CECR2: variants seen among roughly 807,000 people sequenced by gnomAD.
CECR2 encodes CECR2 histone acetyl-lysine reader.
In CECR2, 30 loss-of-function variants were observed where a neutral mutation model predicts 154.5. The observed-to-expected ratio is 0.19, with a 90% CI of 0.15 to 0.26. CECR2 has a LOEUF of 0.26. Ranked by LOEUF, CECR2 falls within the 10% of genes least tolerant of loss-of-function variation. CECR2 has a pLI of 1.00. For missense variants in CECR2, 1,743 were observed against 1,829.3 expected (o/e 0.95, Z 0.86); for synonymous variants, 725 against 683.7 (o/e 1.06, Z -0.94).
At chr22:17,391,200 T>G (rs1247652656) in intron 1 of CECR2, among the ~76,000 whole-genome samples, 1 of 152,206 alleles carries the variant, frequency 6.6e-6, no homozygotes, top group Non-Finnish European at 1.5e-5. Flanking sequence ...TAACATCCAG[T>G]AAACAGTTCA....
chr22:17,375,135 T>A (rs1467087475), intron 1 of CECR2, among the ~76,000 whole-genome samples: 5 of 152,136 alleles, frequency 3.3e-5, no homozygotes, highest in African/African-American at 1.2e-4. Flanking sequence ...TATTTTTGAG[T>A]CAGAGTCTCA....
chr22:17,553,024 G>T lies in CECR2; in HGVS notation c.*184G>T. The T allele has an allele frequency of 2.2e-6, 3 of 1,351,536 alleles. No homozygotes were observed. The highest frequency in any genetic ancestry group is 1.9e-6 in the Non-Finnish European group (2 of 1,045,292). The allele number at this position is 1,351,536 out of a possible 1,614,324, so 83.7% of individuals were successfully genotyped here. On this transcript the variant is annotated 3_prime_UTR_variant, in exon 19 of 19. Transcript: ENST00000262608. ...CTAAAAGGACACTCCTTAGATGACTGACACACAGATTGCAAAGGTCCTCGG... is the reference window on the plus strand; with the variant it reads ...CTAAAAGGACACTCCTTAGATGACTTACACACAGATTGCAAAGGTCCTCGG...
In CECR2 at chr22:17,542,530, C is replaced by T. The variant is rs552193684; in HGVS notation, c.2387C>T (p.Pro796Leu). ...CCAGATGAGAAGCCCCACCTGGGGCCAGGACCCTCTCACCAGCCTCGCACT... is the reference window on the plus strand; with the variant it reads ...CCAGATGAGAAGCCCCACCTGGGGCTAGGACCCTCTCACCAGCCTCGCACT... ...LGPDEKPHLG[P>L]GPSHQPRTLG... Residue 796 changes from proline (P) to leucine (L), a missense_variant, in exon 16 of 19, where the codon CCA (proline) becomes CTA (leucine). Around this residue, in one of 4 missense-constraint regions of CECR2, gnomAD observed 1,250 missense variants for 1,192.1 expected, o/e 1.05. Coordinates refer to ENST00000262608, the MANE Select transcript of CECR2 (RefSeq NM_001290047.2). The T allele has an allele frequency of 6.2e-7, 1 of 1,613,996 alleles. No homozygotes were observed. The highest frequency in any genetic ancestry group is 2.2e-5 in the East Asian group (1 of 44,880).
intron 5 of CECR2, 21 bp downstream of exon 5, chr22:17,500,756 G>T (rs2055723050): frequency 2.7e-6 from 4 of 1,496,098 alleles, no homozygotes; most frequent in African/African-American, 1.4e-5. Context: ...CTTGTTAGTT[G>T]TGGTCATAGA....
intron 2 of CECR2, among the ~76,000 whole-genome samples, chr22:17,491,350 G>T (rs2055526372): frequency 6.6e-6 from 1 of 152,050 alleles, no homozygotes; most frequent in Admixed American, 6.6e-5. Context: ...ATCCTGGTCA[G>T]CACTTGTTAC....
chr22:17,491,663 G>A (rs995543357), intron 2 of CECR2, among the ~76,000 whole-genome samples: 5 of 146,888 alleles, frequency 3.4e-5, no homozygotes, highest in African/African-American at 1.2e-4. Flanking sequence ...AATTTTTATT[G>A]TACCTCTTCA....
intron 1 of CECR2, among the ~76,000 whole-genome samples, chr22:17,438,480 AT>A (rs1231829872): frequency 6.6e-6 from 1 of 152,222 alleles, no homozygotes; most frequent in African/African-American, 2.4e-5. Context: ...AACTTACTCA[AT>A]TTAACATCAA....
At chr22:17,369,178 C>G (rs1323546032), upstream of CECR2, among the ~76,000 whole-genome samples, 2 of 151,760 alleles carry the variant, frequency 1.3e-5, no homozygotes, top group Non-Finnish European at 2.9e-5. Flanking sequence ...GAGCTCCTGG[C>G]CGTCCTCCCT....
chr22:17,496,613 C>T (rs1319557953), intron 2 of CECR2, among the ~76,000 whole-genome samples: 1 of 152,126 alleles, frequency 6.6e-6, no homozygotes, highest in Admixed American at 6.6e-5. Flanking sequence ...TCAGTGTAGC[C>T]ATTTGTATTC....
chr22:17,403,078 AT>A (rs2053921874), intron 1 of CECR2, among the ~76,000 whole-genome samples: 1 of 152,076 alleles, frequency 6.6e-6, no homozygotes, highest in Admixed American at 6.5e-5. Context: ...TCATTTCAAG[AT>A]TTGTTCCTGC....
At chr22:17,386,424 T>TCTCA (rs2063262078) in intron 1 of CECR2, among the ~76,000 whole-genome samples, 1 of 152,168 alleles carries the variant, frequency 6.6e-6, no homozygotes, top group Non-Finnish European at 1.5e-5. Context: ...GTTAAATTAA[T>TCTCA]CTCAGTTCCT....
intron 1 of CECR2, among the ~76,000 whole-genome samples, chr22:17,470,392 CAAA>C (rs5844313): frequency 3.0e-5 from 3 of 99,824 alleles, no homozygotes; most frequent in Non-Finnish European, 4.4e-5. Context: ...GACTCCGTCT[CAAA>C]AAAAAAAAAA....
At chr22:17,442,387 G>A (rs1601363973) in intron 1 of CECR2, among the ~76,000 whole-genome samples, 1 of 152,106 alleles carries the variant, frequency 6.6e-6, no homozygotes, top group Admixed American at 6.6e-5. Context: ...GCAACATAGC[G>A]AGACCCCCAT....
chr22:17,443,070 T>A (rs1032569133), intron 1 of CECR2, among the ~76,000 whole-genome samples: 3 of 152,228 alleles, frequency 2.0e-5, no homozygotes, highest in Non-Finnish European at 4.4e-5. Flanking sequence ...GCCAGTGGTA[T>A]GTCCTGGTGT....
chr22:17,539,067 T>C lies in CECR2; in HGVS notation c.1443T>C (p.Asn481=). 1 of 1,613,878 alleles carries C rather than the reference T, an allele frequency of 6.2e-7. No homozygotes were observed. The highest frequency in any genetic ancestry group is 8.5e-7 in the Non-Finnish European group (1 of 1,179,796). Residue 481 remains asparagine (N), a synonymous_variant, in exon 13 of 19, where the codon AAT becomes AAC. Transcript: ENST00000262608. ...GLYCTKEEFV[N]DMKTMFRNCR... ...ACTGTACCAAGGAGGAATTTGTAAA[T>C]GACATGAAGACCATGTTCAGGAATT...
At chr22:17,369,066 T>A (rs2063021934), upstream of CECR2, among the ~76,000 whole-genome samples, 1 of 152,136 alleles carries the variant, frequency 6.6e-6, no homozygotes, top group Non-Finnish European at 1.5e-5. Context: ...CAATAATAAC[T>A]GAACTCCCAC....
chr22:17,505,095 C>A, intron 7 of CECR2, 79 bp downstream of exon 7: 1 of 1,325,868 alleles, frequency 7.5e-7, no homozygotes, highest in Non-Finnish European at 1.0e-6. Flanking sequence ...ATGAGACCTT[C>A]CCCATACACC....
At chr22:17,465,280 G>A (rs2055012039) in intron 1 of CECR2, among the ~76,000 whole-genome samples, 1 of 151,990 alleles carries the variant, frequency 6.6e-6, no homozygotes, top group Non-Finnish European at 1.5e-5. Context: ...ACAGGTGTGA[G>A]CCACTGCACC....
At chr22:17,522,323 T>A (rs1376343347) in intron 8 of CECR2, among the ~76,000 whole-genome samples, 1 of 152,224 alleles carries the variant, frequency 6.6e-6, no homozygotes, top group African/African-American at 2.4e-5. Flanking sequence ...TGGGTAAAGA[T>A]GTTGCTGGAA....
Sources: allele counts gnomAD v4.1 joint callset (sites outside exome capture counted in the v4.1 genomes callset), GRCh38; gene constraint gnomAD v4.1.1; regional missense constraint gnomAD v4.1.1; transcripts MANE v1.5; gene names NCBI Gene and HGNC (gene_info 2026-07-23, HGNC 2026-07-21).